XKR9: variants seen among roughly 807,000 people sequenced by gnomAD.
XKR9 encodes XK related 9.
In XKR9, 32 loss-of-function variants were observed where a neutral mutation model predicts 32.0. That is an observed-to-expected ratio of 1.00 (90% confidence interval 0.76 to 1.34). The LOEUF is 1.34. Among genes scored for constraint, XKR9 ranks in the 40% most tolerant of loss-of-function variants. The pLI, the probability that XKR9 is intolerant of heterozygous loss-of-function variation, is 0.00. For missense variants in XKR9, 546 were observed against 429.7 expected, an observed-to-expected ratio of 1.27 and a Z score of -2.39; for synonymous variants, 168 against 143.4, an observed-to-expected ratio of 1.17 and a Z score of -1.22.
chr8:70,942,534 C>T, the XKR9 span, among the ~76,000 whole-genome samples: 7 of 152,086 alleles, frequency 4.6e-5, no homozygotes, highest in African/African-American at 1.4e-4. Context: ...TAGATTGTTG[C>T]AGTCACAGCC....
the XKR9 span, among the ~76,000 whole-genome samples, chr8:70,989,015 T>A: frequency 2.6e-5 from 4 of 152,246 alleles, no homozygotes; most frequent in African/African-American, 9.6e-5. Flanking sequence ...AAGGCTGTAT[T>A]ATATTCCATT....
intron 2 of XKR9, among the ~76,000 whole-genome samples, chr8:70,781,761 C>T (rs1029249689): frequency 2.0e-5 from 3 of 152,002 alleles, no homozygotes; most frequent in African/African-American, 7.2e-5. Flanking sequence ...CTATTCAGCT[C>T]ATTTATCCAA....
the XKR9 span, among the ~76,000 whole-genome samples, chr8:70,807,747 A>G: frequency 1.3e-5 from 2 of 152,252 alleles, no homozygotes; most frequent in Non-Finnish European, 2.9e-5. Flanking sequence ...ATACAGGAAC[A>G]TCCAGATTCA....
the XKR9 span, among the ~76,000 whole-genome samples, chr8:71,038,049 A>C: frequency 6.6e-6 from 1 of 152,302 alleles, no homozygotes; most frequent in Admixed American, 6.5e-5. Flanking sequence ...TATTTAGTAC[A>C]GAGTTTATAC....
chr8:70,704,770 A>G (rs1805662042), intron 3 of XKR9, among the ~76,000 whole-genome samples: 1 of 152,156 alleles, frequency 6.6e-6, no homozygotes, highest in Admixed American at 6.5e-5. Context: ...GGAATCACAT[A>G]CTCTCTACTA....
intron 2 of XKR9, among the ~76,000 whole-genome samples, chr8:70,772,115 C>T (rs781441153): frequency 2.0e-5 from 3 of 152,140 alleles, no homozygotes; most frequent in African/African-American, 7.2e-5. Context: ...ATACCATTAA[C>T]ACCTTGAGAA....
the XKR9 span, among the ~76,000 whole-genome samples, chr8:70,930,489 C>T: frequency 2.0e-5 from 3 of 152,120 alleles, no homozygotes; most frequent in African/African-American, 7.2e-5. Context: ...GTCAACAAGA[C>T]AGCAAAATTT....
chr8:70,944,066 T>C, the XKR9 span, among the ~76,000 whole-genome samples: 3 of 152,196 alleles, frequency 2.0e-5, no homozygotes, highest in Non-Finnish European at 4.4e-5. Context: ...ATGAGTCTTT[T>C]GCAAAATGTT....
chr8:70,847,612 TAAAC>T, the XKR9 span, among the ~76,000 whole-genome samples: 2 of 151,660 alleles, frequency 1.3e-5, no homozygotes, highest in African/African-American at 4.8e-5. Flanking sequence ...AAGACCCAAA[TAAAC>T]AAAGTCTTAA....
chr8:70,732,547 T>C (rs1806707062), intron 4 of XKR9, among the ~76,000 whole-genome samples: 1 of 152,192 alleles, frequency 6.6e-6, no homozygotes, highest in Non-Finnish European at 1.5e-5. Context: ...CCCATATTTG[T>C]AACCACCCAG....
At chr8:70,731,482 A>G (rs1426054671) in intron 4 of XKR9, among the ~76,000 whole-genome samples, 1 of 152,194 alleles carries the variant, frequency 6.6e-6, no homozygotes, top group Non-Finnish European at 1.5e-5. Context: ...ACCATAGACA[A>G]AAGATTCTCA....
At chr8:70,808,956 C>T in the XKR9 span, among the ~76,000 whole-genome samples, 2 of 152,202 alleles carry the variant, frequency 1.3e-5, no homozygotes, top group Non-Finnish European at 2.9e-5. Flanking sequence ...AGTGGTTCTC[C>T]CAGCATGCAG....
At chr8:70,711,536 A>G (rs369292516) in intron 4 of XKR9, among the ~76,000 whole-genome samples, 4 of 152,324 alleles carry the variant, frequency 2.6e-5, no homozygotes, top group African/African-American at 9.6e-5. Context: ...AGAAAACCAA[A>G]TACCACAGTG....
chr8:70,860,504 A>G, the XKR9 span, among the ~76,000 whole-genome samples: 2 of 152,128 alleles, frequency 1.3e-5, no homozygotes, highest in African/African-American at 4.8e-5. Context: ...ATAGCAGCTG[A>G]AATAAGACAC....
At chr8:70,755,399 T>C (rs1387251793) in intron 2 of XKR9, among the ~76,000 whole-genome samples, 2 of 152,142 alleles carry the variant, frequency 1.3e-5, no homozygotes, top group African/African-American at 4.8e-5. Flanking sequence ...CCCAGCCACC[T>C]CATTACTGGG....
At position 70,707,156 on chromosome 8, in the gene XKR9, A is replaced by T; in HGVS notation, c.493+3A>T. 1 of 1,611,470 alleles carries T rather than the reference A, an allele frequency of 6.2e-7. No individual in the cohort carries two copies. The highest frequency in any genetic ancestry group is 8.5e-7 in the Non-Finnish European group (1 of 1,178,156). Reference sequence around the variant, plus strand: ...TGGACAAGCGAATTTCAGTCAGTGTAAGTTTTTCTTAACTCCTTGTGTTAA... The same window carrying T: ...TGGACAAGCGAATTTCAGTCAGTGTTAGTTTTTCTTAACTCCTTGTGTTAA... On this transcript the variant is annotated splice_donor_region_variant and intron_variant, in intron 4 of 4. Transcript: ENST00000408926.
chr8:70,979,454 G>A, the XKR9 span, among the ~76,000 whole-genome samples: 83,310 of 152,036 alleles, frequency 0.55, 23,745 homozygotes, highest in Middle Eastern at 0.62. Flanking sequence ...TGTTTATGCC[G>A]TTCCTTTCTG....
intron 2 of XKR9, among the ~76,000 whole-genome samples, chr8:70,742,295 CT>C (rs1394191804): frequency 6.6e-6 from 1 of 152,204 alleles, no homozygotes; most frequent in Non-Finnish European, 1.5e-5. Context: ...GGTAGGAAAT[CT>C]TCGGTTTACC....
At chr8:70,681,631 C>A (rs1373860796) in intron 3 of XKR9, among the ~76,000 whole-genome samples, 1 of 152,064 alleles carries the variant, frequency 6.6e-6, no homozygotes, top group South Asian at 2.1e-4. Context: ...TGTGTATATT[C>A]TAAGTCTGAT....
Sources: allele counts gnomAD v4.1 joint callset (sites outside exome capture counted in the v4.1 genomes callset), GRCh38; gene constraint gnomAD v4.1.1; transcripts MANE v1.5; gene names NCBI Gene and HGNC (gene_info 2026-07-23, HGNC 2026-07-21).